The following OSGIN2 variants were observed in gnomAD, a reference collection of about 807,000 sequenced individuals.
The protein encoded by OSGIN2 is oxidative stress induced growth inhibitor family member 2.
In OSGIN2, 19 loss-of-function variants were observed where a neutral mutation model predicts 53.8. The ratio of observed to expected loss-of-function variants is 0.35; its 90% confidence interval spans 0.25 to 0.52. The LOEUF is 0.52. Among genes scored for constraint, OSGIN2 ranks in the 20% least tolerant of loss-of-function variants. The pLI is 0.95. For synonymous variants in OSGIN2, 236 were observed against 236.0 expected, an observed-to-expected ratio of 1.00 and a Z score of 0.00; for missense variants, 520 against 662.7, an observed-to-expected ratio of 0.78 and a Z score of 2.36.
Position 89,921,067 on chromosome 8 carries a change from T to A in OSGIN2, c.529-13T>A, listed in dbSNP as rs201575738. 336 of 1,473,944 alleles carry A rather than the reference T, an allele frequency of 2.3e-4. No individual in the cohort carries two copies. Among genetic ancestry groups the A allele is most frequent in the Non-Finnish European group, 2.8e-4 (302 of 1,078,694 alleles). 91.3% of individuals were successfully genotyped at this position (1,473,944 alleles called of 1,614,324 possible). ...TTTTTTGACGGTACATTTTTTTTTT[T>A]AAACTCTAATAGAATATGGAAGGCT... On this transcript the variant is annotated splice_polypyrimidine_tract_variant and intron_variant, in intron 4 of 5. Transcript: ENST00000451899.
At chr8:89,903,026 G>T (rs556195945) in intron 1 of OSGIN2, among the ~76,000 whole-genome samples, 189 bp downstream of exon 1, 1 of 152,170 alleles carries the variant, frequency 6.6e-6, no homozygotes, top group Non-Finnish European at 1.5e-5. Context: ...GCTCCGGGGA[G>T]CCCTGCGCTG....
At chr8:89,903,051 T>G (rs1808760026) in intron 1 of OSGIN2, among the ~76,000 whole-genome samples, 1 of 152,146 alleles carries the variant, frequency 6.6e-6, no homozygotes, top group South Asian at 2.1e-4. Flanking sequence ...CTTTTCTCGC[T>G]CTGGACCGCG....
At chr8:89,919,102 C>T (rs574127867) in intron 4 of OSGIN2, among the ~76,000 whole-genome samples, 2 of 152,330 alleles carry the variant, frequency 1.3e-5, no homozygotes, top group Non-Finnish European at 2.9e-5. Context: ...TCTCACCATA[C>T]TCCAATCTAG....
At chr8:89,905,148 A>G (rs967720542) in intron 1 of OSGIN2, among the ~76,000 whole-genome samples, 25 of 152,252 alleles carry the variant, frequency 1.6e-4, no homozygotes, top group Non-Finnish European at 1.3e-4. Flanking sequence ...TCCTGATACT[A>G]TGTCCACACT....
intron 4 of OSGIN2, among the ~76,000 whole-genome samples, chr8:89,919,632 GGCTTTT>G (rs1336287757): frequency 6.6e-6 from 1 of 152,194 alleles, no homozygotes; most frequent in Non-Finnish European, 1.5e-5. Context: ...TCTGAAGACA[GGCTTTT>G]GTTGGTAATG....
At chr8:89,919,546 G>T (rs1360736354) in intron 4 of OSGIN2, among the ~76,000 whole-genome samples, 2 of 152,196 alleles carry the variant, frequency 1.3e-5, no homozygotes, top group Non-Finnish European at 2.9e-5. Context: ...CCTTAGGCAT[G>T]CAAAACTCAT....
intron 5 of OSGIN2, among the ~76,000 whole-genome samples, chr8:89,921,764 C>T (rs530131175): frequency 6.6e-6 from 1 of 152,254 alleles, no homozygotes; most frequent in South Asian, 2.1e-4. Flanking sequence ...GGAGGATCAC[C>T]TGAGGTCAGG....
At chr8:89,907,893 C>T (rs1303186929) in intron 1 of OSGIN2, among the ~76,000 whole-genome samples, 1 of 152,094 alleles carries the variant, frequency 6.6e-6, no homozygotes, top group African/African-American at 2.4e-5. Flanking sequence ...ACTGATTCTT[C>T]CTACACATGA....
intron 5 of OSGIN2, 40 bp from the exon 6 acceptor site, chr8:89,924,463 G>A (rs747341212): frequency 7.2e-7 from 1 of 1,387,860 alleles, no homozygotes. Context: ...GAAACTGAAA[G>A]TAGTATCCTT....
chr8:89,925,013 A>G lies in OSGIN2; in HGVS notation c.1131A>G (p.Arg377=). Residue 377 remains arginine, a synonymous_variant, in exon 6 of 6, where the codon AGA becomes AGG. Transcript: ENST00000451899. ...TCCCTGTGATTCATGTGTTTCGCAG[A>G]CGAGTAACTGATCCAAGCTTAATTT... ...SNIPVIHVFR[R]RVTDPSLIFK... 1 of 1,613,998 alleles carries G rather than the reference A, an allele frequency of 6.2e-7. No individual in the cohort carries two copies. Among genetic ancestry groups the G allele is most frequent in the South Asian group, 1.1e-5 (1 of 91,090 alleles).
rs549495947 is a variant in OSGIN2 at position 89,903,649 on chromosome 8, A to C, written c.44+812A>C. On this transcript the variant is annotated intron_variant, in intron 1 of 5. Transcript: ENST00000451899. ...TTCATACAATTTAGGTAACCCATGA[A>C]CTTGGATGGAAAGAAAGGTATATCA... 2.0e-5 allele frequency among the ~76,000 whole-genome samples: 3 copies of C among 152,376 alleles called. No homozygotes were observed. The East Asian group carries it at 5.8e-4, about 29-fold the overall frequency.
chr8:89,921,399 TTG>T lies in OSGIN2; in HGVS notation c.620+230_620+231del. 7 of 405,434 alleles carry T rather than the reference TTG, an allele frequency of 1.7e-5. No individual in the cohort carries two copies. The South Asian group carries it at 3.3e-4, about 19-fold the overall frequency. 25.1% of individuals were successfully genotyped at this position (405,434 alleles called of 1,614,324 possible). A position where few individuals can be genotyped will look rare whatever the true frequency, so the allele number is the denominator to read the frequency against. On this transcript the variant is annotated intron_variant, in intron 5 of 5. Transcript: ENST00000451899. ...ATTGCAGATTGGTTTCCTGTGACTTTTGTTAATCATGGGTTTATCTACTGTCT... is the reference window on the plus strand; with the variant it reads ...ATTGCAGATTGGTTTCCTGTGACTTTTTAATCATGGGTTTATCTACTGTCT...
chr8:89,919,097 C>T (rs1195018353), intron 4 of OSGIN2, among the ~76,000 whole-genome samples: 2 of 152,186 alleles, frequency 1.3e-5, no homozygotes, highest in Admixed American at 1.3e-4. Context: ...ATGTATCTCA[C>T]CATACTCCAA....
At chr8:89,922,857 G>C (rs535292247) in intron 5 of OSGIN2, among the ~76,000 whole-genome samples, 1 of 152,258 alleles carries the variant, frequency 6.6e-6, no homozygotes, top group Admixed American at 6.5e-5. Context: ...GGTATAGCCT[G>C]TTGCTCCTAG....
chr8:89,923,084 G>C (rs1652700557), intron 5 of OSGIN2, among the ~76,000 whole-genome samples: 1 of 152,124 alleles, frequency 6.6e-6, no homozygotes, highest in Admixed American at 6.5e-5. Context: ...AGCTGCTTTG[G>C]ATGAGTCAGT....
chr8:89,908,323 C>T (rs1808881094), intron 1 of OSGIN2, among the ~76,000 whole-genome samples: 1 of 152,018 alleles, frequency 6.6e-6, no homozygotes, highest in African/African-American at 2.4e-5. Context: ...AAGGGGAAAC[C>T]AAATATTTGG....
At chr8:89,916,086 T>A (rs995329545) in intron 4 of OSGIN2, among the ~76,000 whole-genome samples, 3 of 152,200 alleles carry the variant, frequency 2.0e-5, no homozygotes, top group Non-Finnish European at 4.4e-5. Flanking sequence ...TTTTCTCTGT[T>A]AATTAGTAGC....
At position 89,921,129 on chromosome 8, in the gene OSGIN2, T is replaced by C; in HGVS notation, c.578T>C (p.Leu193Pro). 6.2e-7 allele frequency: 1 copy of C among 1,606,902 alleles called. No homozygotes were observed. Among genetic ancestry groups the C allele is most frequent in the Non-Finnish European group, 8.5e-7 (1 of 1,175,524 alleles). ...LTISFGSWME[L>P]PGLKFKDWVS... is the part of the protein sequence containing the mutation. ...ATCAGCTTTGGAAGTTGGATGGAAC[T>C]ACCTGGACTTAAATTTAAGGACTGG... Residue 193 changes from leucine (L) to proline (P), a missense_variant, in exon 5 of 6, where the codon CTA becomes CCA. This residue lies in a region of OSGIN2 where 203 missense variants were observed against 275.3 expected (regional missense o/e 0.74). Transcript: ENST00000451899.
chr8:89,921,267 A>C (rs952571257), intron 5 of OSGIN2, 96 bp downstream of exon 5: 18 of 681,490 alleles, frequency 2.6e-5, no homozygotes, highest in Non-Finnish European at 7.7e-6. Context: ...TGGCTGAAGA[A>C]TATAAATGTA....
Sources: gnomAD v4.1 joint callset for allele counts (sites outside exome capture counted in the v4.1 genomes callset) on GRCh38, gnomAD v4.1.1 for gene constraint, gnomAD v4.1.1 regional missense constraint, MANE v1.5 for transcripts, NCBI Gene and HGNC (gene_info 2026-07-23, HGNC 2026-07-21) for gene names.